The following PIGU variants were observed in gnomAD, a reference collection of about 807,000 sequenced individuals.
PIGU encodes the protein GPI-anchor transamidase component PIGU.
PIGU carries 24 observed loss-of-function variants against 49.9 expected under a neutral mutation model. The observed-to-expected ratio is 0.48, with a 90% CI of 0.35 to 0.68. PIGU has a LOEUF of 0.68. Ranked by LOEUF, PIGU falls within the 30% of genes least tolerant of loss-of-function variation. The pLI, the probability that PIGU is intolerant of heterozygous loss-of-function variation, is 0.01. For synonymous variants in PIGU, 220 were observed against 205.7 expected (o/e 1.07, Z -0.59); for missense variants, 490 against 532.6 (o/e 0.92, Z 0.79).
In PIGU at chr20:34,585,454, G is replaced by A. The variant is rs1345052780; in HGVS notation, c.909C>T (p.Pro303=). 3 of 1,614,180 alleles carry A rather than the reference G, an allele frequency of 1.9e-6. No individual in the cohort carries two copies. The South Asian group carries it at 3.3e-5, about 18-fold the overall frequency. Residue 303 remains proline, a synonymous_variant, in exon 9 of 12, where the codon CCC becomes CCT. Transcript: ENST00000217446. ...FQINVFFYTI[P]LAIKLKEHPI... is the part of the protein sequence containing the mutation. ...CCACTTACTTTAGCTTTATGGCTAA[G>A]GGGATGGTGTAGAAGAAGACGTTGA...
intron 2 of PIGU, among the ~76,000 whole-genome samples, chr20:34,652,979 T>G (rs1353869753): frequency 1.3e-5 from 2 of 151,836 alleles, no homozygotes; most frequent in African/African-American, 4.8e-5. Flanking sequence ...GTTGGGTTTT[T>G]TTTTTTTTTT....
chr20:34,597,217 G>C (rs1984236022), intron 7 of PIGU, among the ~76,000 whole-genome samples: 1 of 152,116 alleles, frequency 6.6e-6, no homozygotes, highest in African/African-American at 2.4e-5. Flanking sequence ...ATTTGTAACA[G>C]ACAAAAACTG....
chr20:34,590,374 T>C (rs1040464856), intron 7 of PIGU, among the ~76,000 whole-genome samples: 1 of 151,622 alleles, frequency 6.6e-6, no homozygotes, highest in Non-Finnish European at 1.5e-5. Context: ...CTGGCTAACA[T>C]AGCAAAACCC....
chr20:34,563,230 T>C (rs193213463), intron 11 of PIGU, among the ~76,000 whole-genome samples: 117 of 152,328 alleles, frequency 7.7e-4, no homozygotes, highest in African/African-American at 2.6e-3. Context: ...TTTTCCCCTA[T>C]AAGCCTTAAC....
intron 1 of PIGU, among the ~76,000 whole-genome samples, 191 bp from the exon 2 acceptor site, chr20:34,657,435 A>G (rs1986738054): frequency 6.6e-6 from 1 of 152,154 alleles, no homozygotes; most frequent in Non-Finnish European, 1.5e-5. Flanking sequence ...ATCCTTTTTC[A>G]TTGTGGGCAG....
chr20:34,638,060 AAAGTCCTTTC>A (rs1600650165), intron 4 of PIGU, 75 bp from the exon 5 acceptor site: 2 of 1,503,370 alleles, frequency 1.3e-6, no homozygotes, highest in East Asian at 4.8e-5. Context: ...GCTGAAGACA[AAAGTCCTTTC>A]CATGGCCCAC....
chr20:34,630,161 T>A (rs1377268140), intron 6 of PIGU, among the ~76,000 whole-genome samples: 1 of 151,986 alleles, frequency 6.6e-6, no homozygotes, highest in East Asian at 1.9e-4. Flanking sequence ...TTACCCCAAC[T>A]ATGTGCAGCC....
In PIGU at chr20:34,593,958, C is replaced by T. The variant is rs577496743; in HGVS notation, c.628-5351G>A. On this transcript the variant is annotated intron_variant, in intron 7 of 11. Transcript: ENST00000217446. ...TTGGGAGGCTGAGGCAGGTGGATCACTTGAGTCCAGGAGTTCAAGACCAGC... is the reference window on the plus strand; with the variant it reads ...TTGGGAGGCTGAGGCAGGTGGATCATTTGAGTCCAGGAGTTCAAGACCAGC... Among the ~76,000 whole-genome samples, 18 of 152,258 alleles carry T rather than the reference C, an allele frequency of 1.2e-4. No individual in the cohort carries two copies. In the East Asian group the frequency reaches 3.3e-3, roughly 28 times the overall value.
At chr20:34,663,623 CATAAA>C (rs1430334032) in intron 1 of PIGU, among the ~76,000 whole-genome samples, 2 of 152,008 alleles carry the variant, frequency 1.3e-5, no homozygotes, top group Admixed American at 6.5e-5. Context: ...TCATGGTGGC[CATAAA>C]ATAAAACAAA....
At chr20:34,665,303 A>C (rs1404974322) in intron 1 of PIGU, among the ~76,000 whole-genome samples, 1 of 139,368 alleles carries the variant, frequency 7.2e-6, no homozygotes, top group African/African-American at 2.7e-5. Flanking sequence ...TCCCGGGTTC[A>C]CGCCATTCTC....
intron 1 of PIGU, among the ~76,000 whole-genome samples, chr20:34,676,024 T>TAAAAAA (rs10711315): frequency 7.5e-6 from 1 of 132,608 alleles, no homozygotes. Flanking sequence ...TGTACTTCAG[T>TAAAAAA]AAAAAAAAAA....
At chr20:34,655,624 A>C (rs1394581190) in intron 2 of PIGU, among the ~76,000 whole-genome samples, 1 of 120,570 alleles carries the variant, frequency 8.3e-6, no homozygotes, top group Non-Finnish European at 1.8e-5. Flanking sequence ...CAGTGAGCCA[A>C]GATCGTGCCA....
chr20:34,625,716 A>G (rs1187976274), intron 6 of PIGU, among the ~76,000 whole-genome samples: 1 of 150,390 alleles, frequency 6.6e-6, no homozygotes, highest in African/African-American at 2.4e-5. Flanking sequence ...CTGTCTCAAA[A>G]AAAAAAAAAA....
At position 34,585,320 on chromosome 20, in the gene PIGU, G is replaced by A. The variant is rs187756034; in HGVS notation, c.926+117C>T. ...AACTGAAGGCAGGTTCCTTAGGTGA[G>A]ATGCTCTAAACCTGACAGCAGGTGC... On this transcript the variant is annotated intron_variant, in intron 9 of 11. Coordinates refer to ENST00000217446, the MANE Select transcript of PIGU (RefSeq NM_080476.5). The A allele has an allele frequency of 7.2e-6, 9 of 1,256,274 alleles. No individual in the cohort carries two copies. The African/African-American group carries it at 1.2e-4, about 17-fold the overall frequency. The allele number at this position is 1,256,274 out of a possible 1,614,324, so 77.8% of individuals were successfully genotyped here. A position where few individuals can be genotyped will look rare whatever the true frequency, so the allele number is the denominator to read the frequency against.
rs564190187 is a variant in PIGU, at chr20:34,588,144, C to T, written c.782+309G>A. 3.3e-3 allele frequency among the ~76,000 whole-genome samples: 499 copies of T among 151,876 alleles called. 2 individuals are homozygous for T. Among genetic ancestry groups the T allele is most frequent in the African/African-American group, 4.3e-3 (177 of 41,402 alleles). ...GTGCATGCCTGTAGTCCCAGCTACT[C>T]GGGGGGCTGAGGCAGGGGAATCACT... On this transcript the variant is annotated intron_variant, in intron 8 of 11. Coordinates refer to ENST00000217446, the MANE Select transcript of PIGU (RefSeq NM_080476.5).
intron 6 of PIGU, among the ~76,000 whole-genome samples, chr20:34,617,505 G>C (rs1178675277): frequency 6.6e-6 from 1 of 152,188 alleles, no homozygotes; most frequent in African/African-American, 2.4e-5. Context: ...TAGCCCCTTT[G>C]GTTTGGCCAA....
chr20:34,672,343 T>G (rs907459193), intron 1 of PIGU, among the ~76,000 whole-genome samples: 1 of 152,200 alleles, frequency 6.6e-6, no homozygotes, highest in African/African-American at 2.4e-5. Context: ...GATATGTTAT[T>G]TGTGCCTGCC....
intron 11 of PIGU, among the ~76,000 whole-genome samples, chr20:34,572,330 G>A (rs1186873471): frequency 5.3e-5 from 8 of 151,800 alleles, no homozygotes; most frequent in Admixed American, 1.3e-4. Context: ...CACCAGGCCC[G>A]GCTGCAAGGC....
chr20:34,592,466 TAAAC>T (rs1206836722), intron 7 of PIGU, among the ~76,000 whole-genome samples: 3 of 145,716 alleles, frequency 2.1e-5, no homozygotes, highest in South Asian at 2.2e-4. Flanking sequence ...GACGAACAAA[TAAAC>T]AACATTAGAA....
Sources: allele counts gnomAD v4.1 joint callset (sites outside exome capture counted in the v4.1 genomes callset), GRCh38; gene constraint gnomAD v4.1.1; transcripts MANE v1.5; gene names NCBI Gene and HGNC (gene_info 2026-07-23, HGNC 2026-07-21).